The following ARHGAP42 variants were observed in gnomAD, a reference collection of about 807,000 sequenced individuals.
The protein encoded by ARHGAP42 is rho GTPase-activating protein 42.
A neutral mutation model predicts 125.0 loss-of-function variants in ARHGAP42; 63 were observed. The observed-to-expected ratio is 0.50, with a 90% CI of 0.41 to 0.62. The LOEUF (loss-of-function observed/expected upper bound fraction) is 0.62. ARHGAP42 is among the 20% of genes least tolerant of loss of function. The pLI, the probability that ARHGAP42 is intolerant of heterozygous loss-of-function variation, is 0.00. For synonymous variants in ARHGAP42, 339 were observed against 351.0 expected (o/e 0.97, Z 0.38); for missense variants, 766 against 1,024.2 (o/e 0.75, Z 3.44).
At chr11:100,842,679 T>C (rs1002199945) in intron 3 of ARHGAP42, among the ~76,000 whole-genome samples, 2 of 152,012 alleles carry the variant, frequency 1.3e-5, no homozygotes, top group Non-Finnish European at 2.9e-5. Flanking sequence ...TTCAAAACCA[T>C]GCAAATAAAT....
At chr11:100,930,765 C>T (rs956094953) in intron 6 of ARHGAP42, among the ~76,000 whole-genome samples, 6 of 152,072 alleles carry the variant, frequency 3.9e-5, no homozygotes, top group African/African-American at 1.2e-4. Flanking sequence ...AAAATACGTC[C>T]GTAAGAGTTT....
chr11:100,866,588 C>G (rs1865575212), intron 4 of ARHGAP42, among the ~76,000 whole-genome samples: 1 of 152,240 alleles, frequency 6.6e-6, no homozygotes, highest in Middle Eastern at 3.4e-3. Context: ...AGGAAACTTA[C>G]AATCATGGGG....
chr11:100,948,590 G>A, intron 11 of ARHGAP42, 55 bp downstream of exon 11: 2 of 1,329,328 alleles, frequency 1.5e-6, no homozygotes, highest in South Asian at 1.3e-5. Context: ...TAATTATAAT[G>A]TATGGAAATT....
At chr11:100,943,342 C>A (rs1867930671) in intron 9 of ARHGAP42, among the ~76,000 whole-genome samples, 1 of 151,960 alleles carries the variant, frequency 6.6e-6, no homozygotes, top group African/African-American at 2.4e-5. Context: ...TGATACTAAT[C>A]TCTTTGCAAT....
intron 3 of ARHGAP42, among the ~76,000 whole-genome samples, chr11:100,827,432 G>A (rs1208072859): frequency 6.6e-6 from 1 of 152,218 alleles, no homozygotes; most frequent in African/African-American, 2.4e-5. Context: ...AGCTGATGTG[G>A]CCTGTGGCAT....
Position 100,975,926 on chromosome 11 carries a change from G to A in ARHGAP42, c.1856-131G>A, listed in dbSNP as rs915647821. 4 of 978,514 alleles carry A rather than the reference G, an allele frequency of 4.1e-6. No individual in the cohort carries two copies. In the African/African-American group the frequency reaches 6.6e-5, roughly 16 times the overall value. 60.6% of individuals were successfully genotyped at this position (978,514 alleles called of 1,614,324 possible). A position where few individuals can be genotyped will look rare whatever the true frequency, so the allele number is the denominator to read the frequency against. ...TGAGGACAGTTCTCCGTACTAGGTA[G>A]GGGCCTACCACTTTAATGGGGTCAG... On this transcript the variant is annotated intron_variant, in intron 19 of 23. Transcript: ENST00000298815.
At chr11:100,946,299 T>C (rs941623676) in intron 10 of ARHGAP42, among the ~76,000 whole-genome samples, 1 of 152,090 alleles carries the variant, frequency 6.6e-6, no homozygotes. Flanking sequence ...ACTTTCCCCA[T>C]GTCAGTAGTA....
In ARHGAP42 at chr11:100,763,382, C is replaced by T. The variant is rs529475890; in HGVS notation, c.155-6961C>T. Among the ~76,000 whole-genome samples the T allele has an allele frequency of 3.7e-4, 56 of 152,050 alleles. 1 individual carries two copies. The highest frequency in any genetic ancestry group is 5.9e-4 in the Admixed American group (9 of 15,258). The stretch of plus-strand genomic sequence containing the variant: ...TCTGCTTTCTATTAGGCACTAAGGG[C>T]AAAAACAGATGAATATATACCTACC... On this transcript the variant is annotated intron_variant, in intron 1 of 23. Coordinates refer to ENST00000298815, the MANE Select transcript of ARHGAP42 (RefSeq NM_152432.4).
chr11:100,905,379 T>A (rs183397983), intron 4 of ARHGAP42, among the ~76,000 whole-genome samples: 6 of 152,314 alleles, frequency 3.9e-5, no homozygotes, highest in Admixed American at 3.3e-4. Flanking sequence ...AAACTATGTA[T>A]GTCTTTAATA....
intron 22 of ARHGAP42, among the ~76,000 whole-genome samples, chr11:100,980,165 A>G (rs952080043): frequency 6.6e-6 from 1 of 152,188 alleles, no homozygotes; most frequent in African/African-American, 2.4e-5. Flanking sequence ...TAGCATTTAA[A>G]TAGCTGAGCC....
At chr11:100,833,131 C>T (rs957582161) in intron 3 of ARHGAP42, among the ~76,000 whole-genome samples, 1 of 152,182 alleles carries the variant, frequency 6.6e-6, no homozygotes, top group Non-Finnish European at 1.5e-5. Flanking sequence ...TGTCTTGGCT[C>T]TTCTCTGAAA....
At chr11:100,987,806 A>AAAAT (rs5794089) in intron 23 of ARHGAP42, among the ~76,000 whole-genome samples, 64,510 of 142,006 alleles carry the variant, frequency 0.45, 15,135 homozygotes, top group Middle Eastern at 0.56. Flanking sequence ...CCCAACCCAC[A>AAAAT]AAATAAATAA....
intron 3 of ARHGAP42, among the ~76,000 whole-genome samples, chr11:100,845,350 GA>G (rs922732015): frequency 6.6e-6 from 1 of 152,072 alleles, no homozygotes; most frequent in Non-Finnish European, 1.5e-5. Flanking sequence ...GACTCAGAGG[GA>G]AAGGGTGGGA....
intron 9 of ARHGAP42, 82 bp from the exon 10 acceptor site, chr11:100,943,677 T>C: frequency 1.0e-6 from 1 of 954,756 alleles, no homozygotes; most frequent in South Asian, 1.7e-5. Context: ...AACATTTTAA[T>C]GTGGCAACTT....
At chr11:100,707,069 T>C (rs1591118723) in intron 1 of ARHGAP42, among the ~76,000 whole-genome samples, 1 of 152,386 alleles carries the variant, frequency 6.6e-6, no homozygotes, top group East Asian at 1.9e-4. Context: ...TATTTAAACA[T>C]AGACCAGTAT....
At chr11:100,831,035 A>G (rs1222978641) in intron 3 of ARHGAP42, among the ~76,000 whole-genome samples, 1 of 152,164 alleles carries the variant, frequency 6.6e-6, no homozygotes, top group Non-Finnish European at 1.5e-5. Context: ...AGTATTTGCA[A>G]GTTATATTAG....
At chr11:100,751,436 A>G (rs1862454551) in intron 1 of ARHGAP42, among the ~76,000 whole-genome samples, 1 of 151,460 alleles carries the variant, frequency 6.6e-6, no homozygotes, top group Non-Finnish European at 1.5e-5. Context: ...GGCATGCACT[A>G]CCATACCCAG....
At chr11:100,955,862 C>G (rs1388070152) in intron 12 of ARHGAP42, among the ~76,000 whole-genome samples, 1 of 152,018 alleles carries the variant, frequency 6.6e-6, no homozygotes, top group Non-Finnish European at 1.5e-5. Context: ...TAGTTGAATT[C>G]TCATGAGCAC....
At chr11:100,961,619 T>G (rs958680508) in intron 14 of ARHGAP42, 65 bp from the exon 15 acceptor site, 14 of 1,429,072 alleles carry the variant, frequency 9.8e-6, no homozygotes, top group African/African-American at 1.4e-5. Flanking sequence ...TGTGCCCATT[T>G]TTCATAATTG....
Sources: gnomAD v4.1 joint callset for allele counts (sites outside exome capture counted in the v4.1 genomes callset) on GRCh38, gnomAD v4.1.1 for gene constraint, MANE v1.5 for transcripts, NCBI Gene and HGNC (gene_info 2026-07-23, HGNC 2026-07-21) for gene names.